The following EIF4G1 variants were observed in gnomAD, a reference collection of about 807,000 sequenced individuals.
The protein encoded by EIF4G1 is EIF4-gamma.
A neutral mutation model predicts 187.8 loss-of-function variants in EIF4G1; 4 were observed. The ratio of observed to expected loss-of-function variants is 0.02; its 90% CI spans 0.01 to 0.05. EIF4G1 has a LOEUF of 0.05. Ranked by LOEUF, EIF4G1 falls within the 10% of genes least tolerant of loss-of-function variation. The pLI is 1.00. For missense variants in EIF4G1, 1,647 were observed against 2,081.1 expected, an observed-to-expected ratio of 0.79 and a Z score of 4.06; for synonymous variants, 844 against 781.4, an observed-to-expected ratio of 1.08 and a Z score of -1.34.
At chr3:184,329,675 G>A (rs973562909) in intron 28 of EIF4G1, among the ~76,000 whole-genome samples, 5 of 152,278 alleles carry the variant, frequency 3.3e-5, no homozygotes, top group African/African-American at 4.8e-5. Context: ...ACAGTAAAGC[G>A]TGACATAAAA....
chr3:184,315,404 T>G (rs764005085), intron 1 of EIF4G1, 85 bp from the exon 2 acceptor site: 1 of 535,596 alleles, frequency 1.9e-6, no homozygotes, highest in East Asian at 5.1e-5. Context: ...TCCGGGAGCC[T>G]GGTGCCAGCG....
At chr3:184,324,830 G>T in intron 17 of EIF4G1, 48 bp from the exon 18 acceptor site, 1 of 1,595,460 alleles carries the variant, frequency 6.3e-7, no homozygotes, top group Non-Finnish European at 8.6e-7. Flanking sequence ...GGTTTTAGCC[G>T]AGTGGCTGGT....
chr3:184,335,208 T>C lies in EIF4G1; in HGVS notation c.*300T>C. On this transcript the variant is annotated 3_prime_UTR_variant, in exon 33 of 33. Transcript: ENST00000346169. The stretch of plus-strand genomic sequence containing the variant: ...ACCAACGCCTGCCCCTGGGGTCCTT[T>C]TTTTTATTTTCTGAAAATCACTCTC... The C allele has an allele frequency of 2.6e-6, 1 of 378,874 alleles. No individual in the cohort carries two copies. Among genetic ancestry groups the C allele is most frequent in the Non-Finnish European group, 4.9e-6 (1 of 204,318 alleles). 23.5% of individuals were successfully genotyped at this position (378,874 alleles called of 1,614,324 possible). A position where few individuals can be genotyped will look rare whatever the true frequency, so the allele number is the denominator to read the frequency against.
Position 184,319,834 on chromosome 3 carries a change from G to A in EIF4G1, c.537+33G>A, listed in dbSNP as rs755167301. 3.7e-5 allele frequency: 54 copies of A among 1,443,384 alleles called. No homozygotes were observed. The South Asian group carries it at 6.4e-4, about 17-fold the overall frequency. 89.4% of individuals were successfully genotyped at this position (1,443,384 alleles called of 1,614,324 possible). A position where few individuals can be genotyped will look rare whatever the true frequency, so the allele number is the denominator to read the frequency against. On this transcript the variant is annotated intron_variant, in intron 7 of 32. Transcript: ENST00000346169. ...GCAGTGAGGGGCTCCGGGACATCTG[G>A]GAAGGGGAGAATCAAGGTCAGGTGC...
At position 184,328,682 on chromosome 3, in the gene EIF4G1, C is replaced by T. The variant is rs2230571; in HGVS notation, c.4005C>T (p.His1335=). 364,205 of 1,613,962 alleles carry T rather than the reference C, an allele frequency of 0.23. 44,527 individuals carry two copies. Among genetic ancestry groups the T allele is most frequent in the Middle Eastern group, 0.28 (1,690 of 6,062 alleles). ...AGGACATGGAAATTGACATCCCCCA[C>T]GTGTGGCTCTACCTAGCGGAACTGG... The part of the protein sequence containing the change: ...LAEDMEIDIP[H]VWLYLAELVT... The change falls in exon 27 of 33, where the codon CAC becomes CAT. Residue 1335 remains histidine, a synonymous_variant. Coordinates refer to ENST00000346169, the MANE Select transcript of EIF4G1 (RefSeq NM_198241.3).
intron 4 of EIF4G1, among the ~76,000 whole-genome samples, 199 bp from the exon 5 acceptor site, chr3:184,317,114 AGTGTACAT>A (rs1456925295): frequency 4.6e-5 from 7 of 152,108 alleles, no homozygotes; most frequent in Non-Finnish European, 7.4e-5. Context: ...CAGGATGCAA[AGTGTACAT>A]CTGAATTTGG....
rs1357035087 is a variant in EIF4G1, at chr3:184,315,763, G to A, written c.-34G>A. The A allele has an allele frequency of 1.3e-6, 2 of 1,550,782 alleles. No individual in the cohort carries two copies. Among genetic ancestry groups the A allele is most frequent in the Admixed American group, 2.0e-5 (1 of 50,978 alleles). ...CCTGAGCGCCACTCTTTCCCAACAGGTGCTGGGGGGACCCTGATGTGGCAC... is the reference window on the plus strand; with the variant it reads ...CCTGAGCGCCACTCTTTCCCAACAGATGCTGGGGGGACCCTGATGTGGCAC... On this transcript the variant is annotated splice_region_variant and 5_prime_UTR_variant, in exon 3 of 33. The change creates a new upstream start codon in the 5' untranslated region. Transcript: ENST00000346169.
chr3:184,332,407 C>T (rs1726287713), intron 32 of EIF4G1, among the ~76,000 whole-genome samples: 1 of 152,212 alleles, frequency 6.6e-6, no homozygotes, highest in Admixed American at 6.5e-5. Context: ...AAATGCTTTG[C>T]TTACCTTGCC....
chr3:184,329,213 G>T (rs747172130), intron 28 of EIF4G1: 24 of 584,638 alleles, frequency 4.1e-5, no homozygotes, highest in Admixed American at 9.0e-5. Context: ...TAAGACCCTA[G>T]GCCTGTGATT....
In EIF4G1 at chr3:184,320,635, A is replaced by G. The variant is rs1723740534; in HGVS notation, c.543A>G (p.Arg181=). The part of the protein sequence containing the change: ...IAPKRERKTI[R]IRDPNQGGKD... ...TTATAGCTTTCTTTCCCCAGATCCG[A>G]ATTCGAGATCCAAACCAAGGAGGAA... The change falls in exon 8 of 33, where the codon CGA becomes CGG. Residue 181 remains arginine (R), a synonymous_variant. Coordinates refer to ENST00000346169, the MANE Select transcript of EIF4G1 (RefSeq NM_198241.3). 1 of 1,613,972 alleles carries G rather than the reference A, an allele frequency of 6.2e-7. No homozygotes were observed. The highest frequency in any genetic ancestry group is 8.5e-7 in the Non-Finnish European group (1 of 1,179,952).
chr3:184,324,167 T>G (rs890273884), intron 16 of EIF4G1, 34 bp from the exon 17 acceptor site: 2 of 1,614,210 alleles, frequency 1.2e-6, no homozygotes, highest in Non-Finnish European at 1.7e-6. Context: ...TGCCCAGGAC[T>G]AGTCTTGAGT....
At chr3:184,329,095 A>G in intron 28 of EIF4G1, 105 bp downstream of exon 28, 1 of 1,354,890 alleles carries the variant, frequency 7.4e-7, no homozygotes, top group Non-Finnish European at 1.0e-6. Flanking sequence ...AGTGATGGTG[A>G]TGACAGGATT....
Position 184,325,215 on chromosome 3 carries a change from C to T in EIF4G1, c.2857-54C>T. ...AAGGCCTGAGGAGGGGTGGGGCCTG[C>T]AGTTATAGGTGGGACATGAGAAGTT... is the stretch of plus-strand genomic sequence containing the variant. On this transcript the variant is annotated intron_variant, in intron 18 of 32. Coordinates refer to ENST00000346169, the MANE Select transcript of EIF4G1 (RefSeq NM_198241.3). This position sits in a 1 kb window ranked among gnomAD's most constrained non-coding sequence, Gnocchi z 5.2. 2 of 1,606,250 alleles carry T rather than the reference C, an allele frequency of 1.2e-6. No individual in the cohort carries two copies. The highest frequency in any genetic ancestry group is 1.7e-6 in the Non-Finnish European group (2 of 1,173,000).
rs1425741300 is a variant in EIF4G1, at chr3:184,331,509, C to T, written c.4298C>T (p.Pro1433Leu). The change falls in exon 30 of 33, where the codon CCT becomes CTT. Residue 1433 changes from proline (P) to leucine (L), a missense_variant. Physicochemically the swap from Pro to Leu is moderately conservative, Grantham distance 98 (BLOSUM62 -3). Around this residue, in one of 11 missense-constraint regions of EIF4G1, gnomAD observed 543 missense variants for 638.0 expected, o/e 0.85. Coordinates refer to ENST00000346169, the MANE Select transcript of EIF4G1 (RefSeq NM_198241.3). The stretch of plus-strand genomic sequence containing the variant: ...ACCCTGGGAGAGGAGTCGGAAGCCC[C>T]TGGCCAGAGGGCACTCCCCTCCGAG... ...EYTLGEESEA[P>L]GQRALPSEEL... 1 of 1,614,218 alleles carries T rather than the reference C, an allele frequency of 6.2e-7. No individual in the cohort carries two copies. Among genetic ancestry groups the T allele is most frequent in the South Asian group, 1.1e-5 (1 of 91,084 alleles).
In EIF4G1 at chr3:184,327,241, G is replaced by A. The variant is rs1312127551; in HGVS notation, c.3454G>A (p.Glu1152Lys). The A allele has an allele frequency of 3.1e-6, 5 of 1,612,870 alleles. No individual in the cohort carries two copies. The highest frequency in any genetic ancestry group is 1.7e-5 in the Admixed American group (1 of 60,012). Residue 1152 changes from glutamate to lysine, a missense_variant, in exon 24 of 33, where the codon GAG (glutamate) becomes AAG (lysine). Physicochemically the swap from Glu to Lys is moderately conservative, Grantham distance 56. This residue lies in a region of EIF4G1 where 543 missense variants were observed against 638.0 expected (regional missense o/e 0.85). Coordinates refer to ENST00000346169, the MANE Select transcript of EIF4G1 (RefSeq NM_198241.3). ...QRSSLSRERG[E>K]KAGDRGDRLE... Reference sequence around the variant, plus strand: ...GAGTAGCTTGAGCCGAGAACGAGGCGAGAAAGCTGGAGACCGAGGAGACCG... The same window carrying A: ...GAGTAGCTTGAGCCGAGAACGAGGCAAGAAAGCTGGAGACCGAGGAGACCG...
Position 184,321,461 on chromosome 3 carries a change from A to G in EIF4G1, c.877A>G (p.Ile293Val). ...TATTCCTGGGGACACTATGACAACT[A>G]TACAAATGTCTGTAGAAGAATCAAC... ...LSIPGDTMTT[I>V]QMSVEESTPI... The change falls in exon 10 of 33, where the codon ATA becomes GTA. Residue 293 changes from isoleucine to valine, a missense_variant. By Grantham distance (29) the Ile-to-Val change is conservative (BLOSUM62 3). This residue lies in a region of EIF4G1 where 522 missense variants were observed against 485.2 expected (regional missense o/e 1.08). Coordinates refer to ENST00000346169, the MANE Select transcript of EIF4G1 (RefSeq NM_198241.3). 1.2e-6 allele frequency: 2 copies of G among 1,614,130 alleles called. No homozygotes were observed. Among genetic ancestry groups the G allele is most frequent in the Non-Finnish European group, 8.5e-7 (1 of 1,180,026 alleles).
intron 26 of EIF4G1, 76 bp downstream of exon 26, chr3:184,328,078 C>A (rs556519183): frequency 9.0e-6 from 14 of 1,548,398 alleles, no homozygotes; most frequent in Middle Eastern, 4.0e-4. Flanking sequence ...CCCTTGGAAC[C>A]TTGCATAAGA....
At chr3:184,328,053 A>G (rs773131057) in intron 26 of EIF4G1, 51 bp downstream of exon 26, 75 of 1,589,758 alleles carry the variant, frequency 4.7e-5, no homozygotes, top group Admixed American at 1.7e-4. Flanking sequence ...ACAATTTTCT[A>G]TCTCCTTTTT....
Position 184,320,624 on chromosome 3 carries a change from C to A in EIF4G1, c.538-6C>A. ...TCCCACTCATCTTATAGCTTTCTTT[C>A]CCCAGATCCGAATTCGAGATCCAAA... On this transcript the variant is annotated splice_polypyrimidine_tract_variant and splice_region_variant and intron_variant, in intron 7 of 32. Coordinates refer to ENST00000346169, the MANE Select transcript of EIF4G1 (RefSeq NM_198241.3). The A allele has an allele frequency of 1.2e-6, 2 of 1,614,040 alleles. No homozygotes were observed. The highest frequency in any genetic ancestry group is 8.5e-7 in the Non-Finnish European group (1 of 1,179,984).
Sources: gnomAD v4.1 joint callset for allele counts (sites outside exome capture counted in the v4.1 genomes callset) on GRCh38, gnomAD v4.1.1 for gene constraint, gnomAD v4.1.1 regional missense constraint, Gnocchi (gnomAD v3.1) non-coding constraint, MANE v1.5 for transcripts, NCBI Gene and HGNC (gene_info 2026-07-23, HGNC 2026-07-21) for gene names.